ITGAV: variants seen among roughly 807,000 people sequenced by gnomAD.
ITGAV encodes integrin alpha-V.
A neutral mutation model predicts 143.8 loss-of-function variants in ITGAV; 76 were observed. The ratio of observed to expected loss-of-function variants is 0.53; its 90% CI spans 0.44 to 0.64. ITGAV has a LOEUF of 0.64. Among genes scored for constraint, ITGAV ranks in the 30% least tolerant of loss-of-function variants. The probability of loss-of-function intolerance (pLI) is 0.00; values close to 1 mark genes in which losing one functional copy is unlikely to be tolerated. For missense variants in ITGAV, 1,193 were observed against 1,274.7 expected (o/e 0.94, Z 0.98); for synonymous variants, 453 against 446.7 (o/e 1.01, Z -0.18).
At chr2:186,631,708 A>G (rs1458564851) in intron 5 of ITGAV, among the ~76,000 whole-genome samples, 2 of 152,220 alleles carry the variant, frequency 1.3e-5, no homozygotes, top group Non-Finnish European at 2.9e-5. Flanking sequence ...AATATGATGC[A>G]TAAGAACTAA....
At position 186,652,035 on chromosome 2, in the gene ITGAV, T is replaced by TA; in HGVS notation, c.1454dup (p.Asn485LysfsTer5). ...GGTCTTGAAGTGTACCCTAGCATTT[T>TA]AAATCAAGACAATAAAACCTGCTCA... On this transcript the variant is annotated frameshift_variant, in exon 15 of 30. Transcript: ENST00000261023. LOFTEE classifies it high-confidence loss of function. 6.2e-7 allele frequency: 1 copy of TA among 1,613,908 alleles called. No individual in the cohort carries two copies. Among genetic ancestry groups the TA allele is most frequent in the Non-Finnish European group, 8.5e-7 (1 of 1,179,810 alleles).
rs1190884773 is a variant in ITGAV, at chr2:186,659,164, A to G, written c.1846A>G (p.Ile616Val). The change falls in exon 18 of 30, where the codon ATT (isoleucine) becomes GTT (valine). Residue 616 changes from isoleucine (I) to valine (V), a missense_variant. Coordinates refer to ENST00000261023, the MANE Select transcript of ITGAV (RefSeq NM_002210.5). The part of the protein sequence containing the change: ...PILNQFTPAN[I>V]SRQAHILLDC... ...TCTTAACCAGTTCACGCCTGCTAAC[A>G]TTAGTCGACAGGTACTGTACTCAGT... is the stretch of plus-strand genomic sequence containing the variant. 3 of 1,606,484 alleles carry G rather than the reference A, an allele frequency of 1.9e-6. No homozygotes were observed. The highest frequency in any genetic ancestry group is 1.7e-5 in the Admixed American group (1 of 58,850).
chr2:186,619,150 G>T (rs888667360), intron 2 of ITGAV, among the ~76,000 whole-genome samples: 2 of 150,036 alleles, frequency 1.3e-5, no homozygotes, highest in South Asian at 4.2e-4. Flanking sequence ...ATATATTCCT[G>T]TCTCCTGTCT....
chr2:186,629,471 T>G (rs1687761327), intron 4 of ITGAV, among the ~76,000 whole-genome samples: 1 of 152,030 alleles, frequency 6.6e-6, no homozygotes. Flanking sequence ...CTTAGTCTGA[T>G]TCACTGGATG....
intron 10 of ITGAV, among the ~76,000 whole-genome samples, 187 bp downstream of exon 10, chr2:186,638,652 G>GTGTTTT: frequency 6.6e-6 from 1 of 151,494 alleles, no homozygotes; most frequent in Non-Finnish European, 1.5e-5. Context: ...GTGTGTGTGT[G>GTGTTTT]TGTGTGTGTG....
At chr2:186,652,766 T>C (rs1286237915) in intron 15 of ITGAV, among the ~76,000 whole-genome samples, 2 of 152,056 alleles carry the variant, frequency 1.3e-5, no homozygotes, top group Non-Finnish European at 2.9e-5. Flanking sequence ...AAAAATTATT[T>C]TGCTCTAATA....
At chr2:186,622,825 C>A (rs570027770) in intron 3 of ITGAV, among the ~76,000 whole-genome samples, 2 of 151,938 alleles carry the variant, frequency 1.3e-5, no homozygotes, top group Non-Finnish European at 2.9e-5. Context: ...TGCAGTGGTG[C>A]GATCTCGGCT....
chr2:186,651,844 C>A, intron 14 of ITGAV, 138 bp from the exon 15 acceptor site: 2 of 571,086 alleles, frequency 3.5e-6, no homozygotes, highest in Non-Finnish European at 6.3e-6. Context: ...TATGTTGTTC[C>A]TGTTCCTTTT....
At chr2:186,646,119 G>GT (rs1553503170) in intron 12 of ITGAV, among the ~76,000 whole-genome samples, 1 of 152,188 alleles carries the variant, frequency 6.6e-6, no homozygotes, top group African/African-American at 2.4e-5. Flanking sequence ...GGTGTTTGGG[G>GT]TTTTTTAAAG....
At chr2:186,637,021 A>G in intron 7 of ITGAV, 44 bp from the exon 8 acceptor site, 1 of 1,549,810 alleles carries the variant, frequency 6.5e-7, no homozygotes, top group South Asian at 1.1e-5. Context: ...TGCTGAAGAT[A>G]ACGTCCTTGT....
intron 18 of ITGAV, among the ~76,000 whole-genome samples, chr2:186,659,506 ATC>A (rs1688683167): frequency 1.3e-5 from 2 of 152,118 alleles, no homozygotes; most frequent in South Asian, 2.1e-4. Context: ...TATATTTGAT[ATC>A]TGTTATTTTT....
At chr2:186,630,533 G>T (rs1687788486) in intron 4 of ITGAV, among the ~76,000 whole-genome samples, 1 of 151,902 alleles carries the variant, frequency 6.6e-6, no homozygotes, top group African/African-American at 2.4e-5. Context: ...TAACTAAAGG[G>T]TTTAAAATTT....
intron 14 of ITGAV, 85 bp from the exon 15 acceptor site, chr2:186,651,897 G>A (rs1266602840): frequency 2.8e-6 from 2 of 705,968 alleles, no homozygotes; most frequent in Non-Finnish European, 5.0e-6. Context: ...TACTATATAT[G>A]TAGTGAATAT....
At position 186,616,606 on chromosome 2, in the gene ITGAV, G is replaced by T. The variant is rs959863199; in HGVS notation, c.317-5733G>T. On this transcript the variant is annotated intron_variant, in intron 2 of 29. Coordinates refer to ENST00000261023, the MANE Select transcript of ITGAV (RefSeq NM_002210.5). ...ATACCTTATTTCAAAATAGCATTGG[G>T]TTACAAATAAATGCATGATAACAGT... Among the ~76,000 whole-genome samples the T allele has an allele frequency of 4.6e-5, 7 of 152,180 alleles. No homozygotes were observed. The East Asian group carries it at 1.2e-3, about 25-fold the overall frequency.
intron 2 of ITGAV, among the ~76,000 whole-genome samples, chr2:186,616,811 T>G (rs991575733): frequency 4.6e-5 from 7 of 152,146 alleles, no homozygotes; most frequent in African/African-American, 1.7e-4. Flanking sequence ...TTATGATTTA[T>G]TTAAATAAAT....
intron 22 of ITGAV, 25 bp from the exon 23 acceptor site, chr2:186,667,125 T>C (rs1008887046): frequency 1.3e-6 from 2 of 1,577,120 alleles, no homozygotes; most frequent in Non-Finnish European, 1.7e-6. Context: ...TAATTCATTT[T>C]TAAGTTTTTT....
At chr2:186,605,371 A>T (rs1687030451) in intron 2 of ITGAV, among the ~76,000 whole-genome samples, 1 of 152,122 alleles carries the variant, frequency 6.6e-6, no homozygotes, top group Non-Finnish European at 1.5e-5. Flanking sequence ...CTAAATATCC[A>T]CTGAGTATCT....
intron 1 of ITGAV, among the ~76,000 whole-genome samples, chr2:186,599,256 A>G (rs1186454103): frequency 6.6e-6 from 1 of 152,150 alleles, no homozygotes; most frequent in Non-Finnish European, 1.5e-5. Flanking sequence ...ATTAAAGACA[A>G]AAATCTTTTT....
chr2:186,650,053 CATA>C (rs929368681), intron 14 of ITGAV, among the ~76,000 whole-genome samples, 168 bp downstream of exon 14: 1 of 152,074 alleles, frequency 6.6e-6, no homozygotes, highest in Non-Finnish European at 1.5e-5. Context: ...TTTATTGGTA[CATA>C]ATAATTGTAC....
Sources: gnomAD v4.1 joint callset for allele counts (sites outside exome capture counted in the v4.1 genomes callset) on GRCh38, gnomAD v4.1.1 for gene constraint, MANE v1.5 for transcripts, NCBI Gene and HGNC (gene_info 2026-07-23, HGNC 2026-07-21) for gene names.